DSCAM: variants seen among roughly 807,000 people sequenced by gnomAD.
DSCAM encodes the protein cell adhesion molecule DSCAM.
Under a neutral mutation model 217.7 loss-of-function variants are expected in DSCAM, and 47 were observed. The observed-to-expected ratio is 0.22, with a 90% CI of 0.17 to 0.28. The LOEUF (loss-of-function observed/expected upper bound fraction) is 0.28. Among genes scored for constraint, DSCAM ranks in the 10% least tolerant of loss-of-function variants. The pLI is 1.00. For synonymous variants in DSCAM, 1,056 were observed against 1,015.3 expected (o/e 1.04, Z -0.76); for missense variants, 2,080 against 2,618.3 (o/e 0.79, Z 4.49).
intron 15 of DSCAM, among the ~76,000 whole-genome samples, chr21:40,177,932 T>C (rs2090751021): frequency 6.6e-6 from 1 of 152,174 alleles, no homozygotes; most frequent in South Asian, 2.1e-4. Context: ...ATCTTGGTGA[T>C]GGAGAAACAG....
chr21:40,157,690 CTTTT>C (rs2090493931), intron 16 of DSCAM, among the ~76,000 whole-genome samples: 1 of 69,372 alleles, frequency 1.4e-5, no homozygotes, highest in Non-Finnish European at 3.8e-5. Flanking sequence ...CTTTCCTTTT[CTTTT>C]TTCTTTTTTT....
intron 8 of DSCAM, among the ~76,000 whole-genome samples, chr21:40,314,911 G>A (rs1455179138): frequency 6.6e-6 from 1 of 152,122 alleles, no homozygotes; most frequent in Non-Finnish European, 1.5e-5. Flanking sequence ...CTCAAACTTA[G>A]TTGTGTATCT....
intron 11 of DSCAM, among the ~76,000 whole-genome samples, chr21:40,250,477 T>TA (rs1750925650): frequency 6.6e-6 from 1 of 152,204 alleles, no homozygotes. Context: ...TCATAATTTT[T>TA]TAAAAAATTC....
intron 1 of DSCAM, among the ~76,000 whole-genome samples, chr21:40,762,695 T>A (rs994280393): frequency 6.6e-6 from 1 of 152,132 alleles, no homozygotes; most frequent in African/African-American, 2.4e-5. Flanking sequence ...CTGATGAACA[T>A]CGATGCAAAA....
intron 3 of DSCAM, among the ~76,000 whole-genome samples, chr21:40,649,452 T>G (rs1211045346): frequency 6.6e-6 from 1 of 152,228 alleles, no homozygotes; most frequent in Non-Finnish European, 1.5e-5. Context: ...AAACTATTTC[T>G]GATTACCAAC....
At chr21:40,268,628 G>A (rs1444876643) in intron 11 of DSCAM, among the ~76,000 whole-genome samples, 3 of 150,772 alleles carry the variant, frequency 2.0e-5, no homozygotes, top group African/African-American at 4.9e-5. Context: ...GAACAGTGGA[G>A]TGGAAACATA....
chr21:40,279,979 G>A (rs1255360450), intron 10 of DSCAM, among the ~76,000 whole-genome samples: 1 of 151,944 alleles, frequency 6.6e-6, no homozygotes, highest in African/African-American at 2.4e-5. Context: ...GGGGCAAGGG[G>A]AGTAAGAGCA....
chr21:40,791,523 C>T (rs890111402), intron 1 of DSCAM, among the ~76,000 whole-genome samples: 1 of 151,602 alleles, frequency 6.6e-6, no homozygotes, highest in African/African-American at 2.4e-5. Context: ...GGCGTGCTGG[C>T]GGGCGCCTGT....
chr21:40,585,242 C>T (rs1357605864), intron 3 of DSCAM, among the ~76,000 whole-genome samples: 1 of 148,068 alleles, frequency 6.8e-6, no homozygotes, highest in East Asian at 2.0e-4. Context: ...GTAAAATGGA[C>T]TAACACAAGC....
Position 40,713,593 on chromosome 21 carries a change from C to G in DSCAM, c.44-4822G>C, listed in dbSNP as rs111813904. On this transcript the variant is annotated intron_variant, in intron 1 of 32. Coordinates refer to ENST00000400454, the MANE Select transcript of DSCAM (RefSeq NM_001389.5). ...ATGTTGGTGTGGGGATGAGGAAGGGCAAGTGTAATGAGATTCCTGGCCTAC... is the reference window on the plus strand; with the variant it reads ...ATGTTGGTGTGGGGATGAGGAAGGGGAAGTGTAATGAGATTCCTGGCCTAC... Among the ~76,000 whole-genome samples the G allele has an allele frequency of 5.3e-3, 809 of 152,116 alleles. 3 individuals carry two copies. The highest frequency in any genetic ancestry group is 8.0e-3 in the Non-Finnish European group (543 of 67,992).
Position 40,452,392 on chromosome 21 carries a change from C to T in DSCAM, c.509-83147G>A, listed in dbSNP as rs78072960. Among the ~76,000 whole-genome samples, 1,121 of 151,922 alleles carry T rather than the reference C, an allele frequency of 7.4e-3. 12 individuals carry two copies. The highest frequency in any genetic ancestry group is 0.025 in the African/African-American group (1,056 of 41,460). On this transcript the variant is annotated intron_variant, in intron 3 of 32. Coordinates refer to ENST00000400454, the MANE Select transcript of DSCAM (RefSeq NM_001389.5). Reference sequence around the variant, plus strand: ...ACCTTTTACAAGCTGGTTCAGGAAACGTGTGCATCGGGACATAAAGAGGTT... The same window carrying T: ...ACCTTTTACAAGCTGGTTCAGGAAATGTGTGCATCGGGACATAAAGAGGTT...
intron 11 of DSCAM, among the ~76,000 whole-genome samples, chr21:40,247,040 C>T (rs918899265): frequency 4.6e-5 from 7 of 152,110 alleles, no homozygotes; most frequent in South Asian, 2.1e-4. Flanking sequence ...GAAGCAAAAG[C>T]GCAAATCCCT....
chr21:40,112,871 A>G (rs920418962), intron 20 of DSCAM, among the ~76,000 whole-genome samples: 7 of 152,210 alleles, frequency 4.6e-5, no homozygotes, highest in Admixed American at 4.6e-4. Flanking sequence ...ACCAGAAAGA[A>G]GTTGAATCTC....
chr21:40,823,887 T>C (rs1400104883), intron 1 of DSCAM, among the ~76,000 whole-genome samples: 1 of 152,104 alleles, frequency 6.6e-6, no homozygotes, highest in East Asian at 1.9e-4. Context: ...CATCAGGTGT[T>C]ATAAAATCCC....
intron 3 of DSCAM, among the ~76,000 whole-genome samples, chr21:40,542,643 A>G (rs561336080): frequency 6.6e-6 from 1 of 152,346 alleles, no homozygotes; most frequent in Admixed American, 6.5e-5. Flanking sequence ...GCTTCCCCAG[A>G]TGACAGATCT....
chr21:40,534,478 T>C (rs976141858), intron 3 of DSCAM, among the ~76,000 whole-genome samples: 1 of 152,198 alleles, frequency 6.6e-6, no homozygotes, highest in Non-Finnish European at 1.5e-5. Flanking sequence ...GAAGGGAGTC[T>C]TCCTGCACAA....
At chr21:40,032,406 C>T (rs915677655) in intron 32 of DSCAM, among the ~76,000 whole-genome samples, 6 of 151,986 alleles carry the variant, frequency 3.9e-5, no homozygotes, top group African/African-American at 1.5e-4. Flanking sequence ...TAAAGTTCAC[C>T]AGCAAGCAGA....
intron 3 of DSCAM, among the ~76,000 whole-genome samples, chr21:40,637,644 T>A (rs865870019): frequency 7.7e-5 from 3 of 38,782 alleles, no homozygotes; most frequent in South Asian, 7.5e-4. Flanking sequence ...TATATATAAA[T>A]ATATATCTAT....
chr21:40,345,574 A>G (rs1185752074), intron 6 of DSCAM, among the ~76,000 whole-genome samples: 1 of 152,140 alleles, frequency 6.6e-6, no homozygotes, highest in Non-Finnish European at 1.5e-5. Flanking sequence ...TAATTATTAA[A>G]TTCCATTTTA....
Sources: gnomAD v4.1 joint callset for allele counts (sites outside exome capture counted in the v4.1 genomes callset) on GRCh38, gnomAD v4.1.1 for gene constraint, MANE v1.5 for transcripts, NCBI Gene and HGNC (gene_info 2026-07-23, HGNC 2026-07-21) for gene names.